INIP: variants seen among roughly 807,000 people sequenced by gnomAD.
INIP encodes the protein INTS3 and NABP interacting protein, also known as SOSS complex subunit C.
A neutral mutation model predicts 14.0 loss-of-function variants in INIP; 9 were observed. That is an observed-to-expected ratio of 0.64 (90% CI 0.39 to 1.12). INIP has a LOEUF of 1.12. Ranked by LOEUF, INIP falls within the 50% of genes most tolerant of loss-of-function variation. The pLI is 0.01. For synonymous variants in INIP, 37 were observed against 41.5 expected (o/e 0.89, Z 0.41); for missense variants, 78 against 122.7 (o/e 0.64, Z 1.72).
chr9:112,690,783 C>T (rs1013826538), intron 3 of INIP, among the ~76,000 whole-genome samples: 4 of 152,222 alleles, frequency 2.6e-5, no homozygotes, highest in African/African-American at 9.6e-5. Flanking sequence ...GTGTTCTCCT[C>T]ACTCTTACAA....
rs754744087 is a variant in INIP, at chr9:112,705,588, C to T, written c.25+10873G>A. The stretch of plus-strand genomic sequence containing the variant: ...GGCCTCCCAAAGTGCTGGAATTACA[C>T]GCATAAGCCACCACACCCAGCCTAA... On this transcript the variant is annotated intron_variant, in intron 2 of 4. Coordinates refer to ENST00000374242, the MANE Select transcript of INIP (RefSeq NM_021218.3). 1.4e-4 allele frequency among the ~76,000 whole-genome samples: 22 copies of T among 152,040 alleles called. 1 individual carries two copies. The highest frequency in any genetic ancestry group is 4.2e-4 in the South Asian group (2 of 4,816).
In INIP at chr9:112,687,267, T is replaced by C. The variant is rs1837707455; in HGVS notation, c.*271A>G. The C allele has an allele frequency of 7.1e-6, 2 of 279,974 alleles. No individual in the cohort carries two copies. The highest frequency in any genetic ancestry group is 1.3e-4 in the East Asian group (2 of 15,382). The allele number at this position is 279,974 out of a possible 1,614,324, so 17.3% of individuals were successfully genotyped here. ...GAGTTGGGGAATGACTTCGTGACCATCCAGTTCACAGTCTGATTGAGAGTT... is the reference window on the plus strand; with the variant it reads ...GAGTTGGGGAATGACTTCGTGACCACCCAGTTCACAGTCTGATTGAGAGTT... On this transcript the variant is annotated 3_prime_UTR_variant, in exon 5 of 5. Coordinates refer to ENST00000374242, the MANE Select transcript of INIP (RefSeq NM_021218.3).
At chr9:112,692,038 A>C (rs925742914) in intron 3 of INIP, among the ~76,000 whole-genome samples, 1 of 152,096 alleles carries the variant, frequency 6.6e-6, no homozygotes, top group African/African-American at 2.4e-5. Flanking sequence ...AAAGAAAAGA[A>C]AGAAAGTGAT....
At position 112,684,757 on chromosome 9, in the gene INIP, A is replaced by T. The variant is rs1837597358; in HGVS notation, c.*2781T>A. On this transcript the variant is annotated 3_prime_UTR_variant, in exon 5 of 5. Coordinates refer to ENST00000374242, the MANE Select transcript of INIP (RefSeq NM_021218.3). ...AGGCTTTTGCACTTTGAAAAACACT[A>T]GTCTAGACAATTTCTGACATGGGCA... 6.6e-6 allele frequency: 1 copy of T among 152,144 alleles called. No individual in the cohort carries two copies. The highest frequency in any genetic ancestry group is 1.5e-5 in the Non-Finnish European group (1 of 68,016). The allele number at this position is 152,144 out of a possible 1,614,324, so 9.4% of individuals were successfully genotyped here.
At chr9:112,692,849 G>C (rs1837939610) in intron 3 of INIP, among the ~76,000 whole-genome samples, 1 of 151,556 alleles carries the variant, frequency 6.6e-6, no homozygotes, top group Admixed American at 6.6e-5. Flanking sequence ...GACCAGCCTG[G>C]GCAACACAAG....
chr9:112,698,672 C>T (rs1479868173), intron 2 of INIP, among the ~76,000 whole-genome samples: 1 of 152,290 alleles, frequency 6.6e-6, no homozygotes, highest in Admixed American at 6.5e-5. Flanking sequence ...ACCCTGACCC[C>T]ACTGCCATTT....
chr9:112,714,101 A>C (rs1564243686), intron 2 of INIP, among the ~76,000 whole-genome samples: 1 of 152,240 alleles, frequency 6.6e-6, no homozygotes, highest in Non-Finnish European at 1.5e-5. Context: ...TGAATAAACA[A>C]AATGTGATAA....
chr9:112,704,493 C>G (rs1044257532), intron 2 of INIP, among the ~76,000 whole-genome samples: 1 of 152,084 alleles, frequency 6.6e-6, no homozygotes, highest in Non-Finnish European at 1.5e-5. Context: ...AAGAAACTAA[C>G]AGTCTATGAG....
rs574794875 is a variant in INIP at position 112,684,463 on chromosome 9, G to A, written c.*3075C>T. ...AGCTACTTGGGAGGCTAAGGGTTGA[G>A]GATTGCTTGAGCCCAGGGATTCAAG... On this transcript the variant is annotated 3_prime_UTR_variant, in exon 5 of 5. Transcript: ENST00000374242. 1.6e-4 allele frequency: 24 copies of A among 152,240 alleles called. No homozygotes were observed. Among genetic ancestry groups the A allele is most frequent in the African/African-American group, 5.8e-4 (24 of 41,536 alleles). The allele number at this position is 152,240 out of a possible 1,614,324, so 9.4% of individuals were successfully genotyped here.
At chr9:112,693,124 T>G (rs1265414925) in intron 3 of INIP, among the ~76,000 whole-genome samples, 1 of 152,108 alleles carries the variant, frequency 6.6e-6, no homozygotes, top group Non-Finnish European at 1.5e-5. Flanking sequence ...CTAAACAGTT[T>G]GTTAAAAGTC....
At chr9:112,694,049 T>G (rs1341908334) in intron 3 of INIP, 82 bp downstream of exon 3, 1 of 885,570 alleles carries the variant, frequency 1.1e-6, no homozygotes, top group Non-Finnish European at 1.7e-6. Context: ...CACTCCAGCC[T>G]GGGGGACAGG....
In INIP at chr9:112,687,416, C is replaced by T. The variant is rs770229733; in HGVS notation, c.*122G>A. 5.8e-4 allele frequency: 362 copies of T among 626,186 alleles called. 5 individuals are homozygous for T. In the Middle Eastern group the frequency reaches 6.0e-3, roughly 10 times the overall value. 38.8% of individuals were successfully genotyped at this position (626,186 alleles called of 1,614,324 possible). The stretch of plus-strand genomic sequence containing the variant: ...CTTTCACTTACACATTCCTTTCTTT[C>T]AGACAAACAAAAAATATCAAAGTTC... On this transcript the variant is annotated 3_prime_UTR_variant, in exon 5 of 5. Transcript: ENST00000374242.
intron 2 of INIP, among the ~76,000 whole-genome samples, chr9:112,700,334 GT>G (rs1457828491): frequency 6.6e-6 from 1 of 151,902 alleles, no homozygotes; most frequent in Non-Finnish European, 1.5e-5. Context: ...GTAGTTCTGT[GT>G]TTGCTTTCAA....
In INIP at chr9:112,694,150, T is replaced by C; in HGVS notation, c.109A>G (p.Thr37Ala). Reference protein sequence around the residue: ...RKLLMQNQSSTNHPGASIALS... With the variant: ...RKLLMQNQSSANHPGASIALS... ...CAATACCTAGCTCCAGGATGATTTG[T>C]TGAAGACTGGTTCTGCATAAGTAGT... Residue 37 changes from threonine to alanine, a missense_variant, in exon 3 of 5, where the codon ACA becomes GCA. Coordinates refer to ENST00000374242, the MANE Select transcript of INIP (RefSeq NM_021218.3). The C allele has an allele frequency of 6.2e-7, 1 of 1,603,484 alleles. No individual in the cohort carries two copies. Among genetic ancestry groups the C allele is most frequent in the Non-Finnish European group, 8.5e-7 (1 of 1,172,828 alleles).
At chr9:112,710,260 A>T (rs1487288085) in intron 2 of INIP, among the ~76,000 whole-genome samples, 1 of 152,194 alleles carries the variant, frequency 6.6e-6, no homozygotes, top group Admixed American at 6.5e-5. Context: ...ACTGGCCCAA[A>T]ATCAATAGTT....
intron 2 of INIP, among the ~76,000 whole-genome samples, chr9:112,715,461 A>G (rs921048363): frequency 2.6e-5 from 4 of 152,216 alleles, no homozygotes; most frequent in Non-Finnish European, 5.9e-5. Context: ...TGACTTTTGT[A>G]ATAACACTTA....
rs1360424010 is a variant in INIP, at chr9:112,684,159, GAAGA to G, written c.*3375_*3378del. 6.6e-6 allele frequency: 1 copy of G among 152,162 alleles called. No individual in the cohort carries two copies. Among genetic ancestry groups the G allele is most frequent in the African/African-American group, 2.4e-5 (1 of 41,410 alleles). The allele number at this position is 152,162 out of a possible 1,614,324, so 9.4% of individuals were successfully genotyped here. On this transcript the variant is annotated 3_prime_UTR_variant, in exon 5 of 5. Transcript: ENST00000374242. The stretch of plus-strand genomic sequence containing the variant: ...TACAGTAGTGAACGAAGTAAAAGAG[GAAGA>G]AAGGAAAGGAGGAAGAGAAAGAAAT...
At chr9:112,695,794 GGGA>G (rs138360534) in intron 2 of INIP, among the ~76,000 whole-genome samples, 4,552 of 142,678 alleles carry the variant, frequency 0.032, 109 homozygotes, top group Non-Finnish European at 0.047. Flanking sequence ...GAGGGGGAGG[GGGA>G]GGAGGAGGAG....
At chr9:112,711,064 T>C (rs1838633489) in intron 2 of INIP, among the ~76,000 whole-genome samples, 1 of 150,962 alleles carries the variant, frequency 6.6e-6, no homozygotes, top group African/African-American at 2.4e-5. Flanking sequence ...AGCATGTGCC[T>C]ATAGTCTCAG....
Sources: allele counts gnomAD v4.1 joint callset (sites outside exome capture counted in the v4.1 genomes callset), GRCh38; gene constraint gnomAD v4.1.1; transcripts MANE v1.5; gene names NCBI Gene and HGNC (gene_info 2026-07-23, HGNC 2026-07-21).